NUTM2F: variants seen among roughly 807,000 people sequenced by gnomAD.
NUTM2F encodes NUT family member 2F.
Under a neutral mutation model 43.3 loss-of-function variants are expected in NUTM2F, and 22 were observed. The ratio of observed to expected loss-of-function variants is 0.51; its 90% confidence interval spans 0.36 to 0.73. NUTM2F has a LOEUF of 0.73. Ranked by LOEUF, NUTM2F falls within the 30% of genes least tolerant of loss-of-function variation. The probability of loss-of-function intolerance (pLI) is 0.00; values close to 1 mark genes in which losing one functional copy is unlikely to be tolerated. For synonymous variants in NUTM2F, 202 were observed against 389.0 expected (o/e 0.52, Z 5.66); for missense variants, 488 against 927.4 (o/e 0.53, Z 6.15).
intron 2 of NUTM2F, among the ~76,000 whole-genome samples, chr9:94,322,892 A>G (rs981453232): frequency 2.0e-5 from 3 of 152,076 alleles, no homozygotes; most frequent in African/African-American, 7.2e-5. Context: ...CACCCAGTCT[A>G]TGGGATTCGT....
intron 1 of NUTM2F, among the ~76,000 whole-genome samples, chr9:94,328,077 C>T (rs1216239973): frequency 6.6e-6 from 1 of 152,030 alleles, no homozygotes; most frequent in African/African-American, 2.4e-5. Context: ...CAGTGGCCCC[C>T]AGCCTTGCCC....
rs139713883 is a variant in NUTM2F at position 94,324,535 on chromosome 9, C to T, written c.713+703G>A. On this transcript the variant is annotated intron_variant, in intron 2 of 6. Coordinates refer to ENST00000253262, the MANE Select transcript of NUTM2F (RefSeq NM_017561.2). ...AAAATTAGCCGGGCATGGTGGTGGGCACCTGTAGTCCCAGCTACTCGGGAG... is the reference window on the plus strand; with the variant it reads ...AAAATTAGCCGGGCATGGTGGTGGGTACCTGTAGTCCCAGCTACTCGGGAG... 1.5e-3 allele frequency among the ~76,000 whole-genome samples: 227 copies of T among 151,104 alleles called. 1 individual carries two copies. The highest frequency in any genetic ancestry group is 5.2e-3 in the African/African-American group (215 of 41,118).
At chr9:94,324,193 C>T (rs1490598993) in intron 2 of NUTM2F, among the ~76,000 whole-genome samples, 7 of 151,622 alleles carry the variant, frequency 4.6e-5, no homozygotes, top group African/African-American at 1.7e-4. Flanking sequence ...TCGCTTGAAC[C>T]TAGGAGGCAG....
At position 94,325,734 on chromosome 9, in the gene NUTM2F, G is replaced by A; in HGVS notation, c.217C>T (p.Pro73Ser). Residue 73 changes from proline (P) to serine (S), a missense_variant, in exon 2 of 7, where the codon CCG (proline) becomes TCG (serine). Physicochemically the swap from Pro to Ser is moderately conservative, Grantham distance 74 (BLOSUM62 -1). Coordinates refer to ENST00000253262, the MANE Select transcript of NUTM2F (RefSeq NM_017561.2). ...PLVAGQDGRGPSGAGASNVFV... is the reference protein window; with the variant it reads ...PLVAGQDGRGSSGAGASNVFV... ...ACGTTGGAAGCCCCGGCCCCACTCG[G>A]GCCGCGGCCATCCTGTCCTGCCACT... is the stretch of plus-strand genomic sequence containing the variant. 1 of 1,611,824 alleles carries A rather than the reference G, an allele frequency of 6.2e-7. No individual in the cohort carries two copies.
At chr9:94,327,092 A>ATTTTCTTTT in intron 1 of NUTM2F, among the ~76,000 whole-genome samples, 1 of 134,858 alleles carries the variant, frequency 7.4e-6, no homozygotes, top group Non-Finnish European at 1.6e-5. Context: ...GTGTCTAGGG[A>ATTTTCTTTT]TTTTCTTTTT....
intron 1 of NUTM2F, among the ~76,000 whole-genome samples, 198 bp downstream of exon 1, chr9:94,328,410 C>T (rs1212008443): frequency 2.0e-5 from 3 of 152,112 alleles, no homozygotes; most frequent in Non-Finnish European, 2.9e-5. Context: ...CATCTTGGTC[C>T]GCCTCTAAGG....
rs1189136034 is a variant in NUTM2F, at chr9:94,325,847, G to A, written c.104C>T (p.Pro35Leu). 6.2e-7 allele frequency: 1 copy of A among 1,611,954 alleles called. No homozygotes were observed. The highest frequency in any genetic ancestry group is 1.7e-5 in the Admixed American group (1 of 60,002). The change falls in exon 2 of 7, where the codon CCC becomes CTC. Residue 35 changes from proline (P) to leucine (L), a missense_variant. Coordinates refer to ENST00000253262, the MANE Select transcript of NUTM2F (RefSeq NM_017561.2). Reference protein sequence around the residue: ...FTALPFATPAPGPAHRPPLVT... With the variant: ...FTALPFATPALGPAHRPPLVT... ...GAGGGGCGGCCTGTGTGCTGGGCCG[G>A]GAGCGGGTGTGGCAAAGGGCAGAGC...
chr9:94,320,235 C>T lies in NUTM2F; in HGVS notation c.1341G>A (p.Leu447=), dbSNP rs552006214. The change falls in exon 5 of 7, where the codon CTG becomes CTA. Residue 447 remains leucine (L), a synonymous_variant. Coordinates refer to ENST00000253262, the MANE Select transcript of NUTM2F (RefSeq NM_017561.2). The surrounding 1 kb of genome is among the most constrained non-coding windows in gnomAD (Gnocchi z 4.5). The part of the protein sequence containing the change: ...DPGLLSYIDK[L]CSQEDFVTKV... Reference sequence around the variant, plus strand: ...TGGTGACAAAGTCTTCCTGGGAACACAGCTTGTCAATGTAGCTCAGGAGGC... The same window carrying T: ...TGGTGACAAAGTCTTCCTGGGAACATAGCTTGTCAATGTAGCTCAGGAGGC... The T allele has an allele frequency of 9.0e-5, 145 of 1,613,914 alleles. 1 individual carries two copies. The South Asian group carries it at 1.6e-3, about 17-fold the overall frequency.
At chr9:94,326,460 C>T (rs985777973) in intron 1 of NUTM2F, among the ~76,000 whole-genome samples, 4 of 152,076 alleles carry the variant, frequency 2.6e-5, no homozygotes, top group Non-Finnish European at 5.9e-5. Context: ...AAAAGAAAAC[C>T]ACTGGATAGG....
At chr9:94,326,577 C>G (rs1831454656) in intron 1 of NUTM2F, among the ~76,000 whole-genome samples, 1 of 151,880 alleles carries the variant, frequency 6.6e-6, no homozygotes. Context: ...GTGGTGAAAC[C>G]CCGTCTCTAC....
chr9:94,323,960 G>A (rs1379986363), intron 2 of NUTM2F, among the ~76,000 whole-genome samples: 1 of 152,126 alleles, frequency 6.6e-6, no homozygotes, highest in Admixed American at 6.5e-5. Context: ...GGAAGGCACT[G>A]GGGTGTACAC....
chr9:94,320,368 T>C lies in NUTM2F; in HGVS notation c.1208A>G (p.Glu403Gly). ...CCCAGGGTGAGACCCCAGCAGCTCC[T>C]CCATGATGTCCACATACTCCTGCAC... ...EVVQEYVDIM[E>G]ELLGSHPGDT... Residue 403 changes from glutamate (E) to glycine (G), a missense_variant, in exon 5 of 7, where the codon GAG becomes GGG. By Grantham distance (98) the Glu-to-Gly change is moderately conservative. Coordinates refer to ENST00000253262, the MANE Select transcript of NUTM2F (RefSeq NM_017561.2). The surrounding 1 kb of genome is among the most constrained non-coding windows in gnomAD (Gnocchi z 4.5). 1.2e-6 allele frequency: 2 copies of C among 1,613,416 alleles called. No homozygotes were observed. The highest frequency in any genetic ancestry group is 8.5e-7 in the Non-Finnish European group (1 of 1,179,834).
chr9:94,320,430 C>T lies in NUTM2F; in HGVS notation c.1146G>A (p.Ala382=), dbSNP rs397839742. The change falls in exon 5 of 7, where the codon GCG becomes GCA. Residue 382 remains alanine, a synonymous_variant. Coordinates refer to ENST00000253262, the MANE Select transcript of NUTM2F (RefSeq NM_017561.2). This position sits in a 1 kb window ranked among gnomAD's most constrained non-coding sequence, Gnocchi z 4.5. ...HLPPPRPQRP[A]ETKVPEEIPP... The stretch of plus-strand genomic sequence containing the variant: ...GGATCTCCTCAGGGACCTTGGTCTC[C>T]GCTGGCCTCTGGGGCCTGGGTGGTG... 20 of 1,603,824 alleles carry T rather than the reference C, an allele frequency of 1.2e-5. No individual in the cohort carries two copies. The highest frequency in any genetic ancestry group is 9.0e-5 in the East Asian group (4 of 44,426).
At chr9:94,321,360 C>T in intron 3 of NUTM2F, 128 bp from the exon 4 acceptor site, 2 of 1,456,394 alleles carry the variant, frequency 1.4e-6, no homozygotes, top group Non-Finnish European at 1.8e-6. Flanking sequence ...TCACTGGGAC[C>T]CATCCCCCAG....
In NUTM2F at chr9:94,322,191, C is replaced by G. The variant is rs760045748; in HGVS notation, c.842+10G>C. 1.3e-5 allele frequency: 21 copies of G among 1,611,876 alleles called. 1 individual carries two copies. Among genetic ancestry groups the G allele is most frequent in the Non-Finnish European group, 1.7e-5 (20 of 1,179,866 alleles). ...CCACACGGGCCCTGCCCCCAGGACC[C>G]CAGACTCACTTTTCCGCCATCTCGT... On this transcript the variant is annotated intron_variant, in intron 3 of 6. Transcript: ENST00000253262.
intron 1 of NUTM2F, among the ~76,000 whole-genome samples, chr9:94,326,722 T>A (rs1473553592): frequency 1.7e-5 from 2 of 115,170 alleles, no homozygotes; most frequent in South Asian, 3.1e-4. Context: ...CCAGCCCGGG[T>A]GACAGAGCGA....
intron 1 of NUTM2F, 110 bp downstream of exon 1, chr9:94,328,498 C>T (rs1831477403): frequency 2.6e-6 from 4 of 1,568,626 alleles, no homozygotes; most frequent in Non-Finnish European, 3.5e-6. Flanking sequence ...TCCAGTGCTC[C>T]CTCCCTCAAC....
intron 2 of NUTM2F, among the ~76,000 whole-genome samples, chr9:94,323,104 G>A (rs892932231): frequency 3.3e-5 from 5 of 152,142 alleles, no homozygotes; most frequent in African/African-American, 9.7e-5. Flanking sequence ...AAAGCAGAGC[G>A]GTGTCCAAGC....
In NUTM2F at chr9:94,321,086, G is replaced by A. The variant is rs778659436; in HGVS notation, c.982+7C>T. The A allele has an allele frequency of 1.1e-5, 17 of 1,542,830 alleles. No individual in the cohort carries two copies. The highest frequency in any genetic ancestry group is 1.9e-5 in the Admixed American group (1 of 52,158). On this transcript the variant is annotated splice_region_variant and intron_variant, in intron 4 of 6. Transcript: ENST00000253262. Reference sequence around the variant, plus strand: ...CATGGCTCCTGTGGGAATGTGGGAAGCTGTACCTGGCTGCTTGACCACCTC... The same window carrying A: ...CATGGCTCCTGTGGGAATGTGGGAAACTGTACCTGGCTGCTTGACCACCTC...
Sources: allele counts gnomAD v4.1 joint callset (sites outside exome capture counted in the v4.1 genomes callset), GRCh38; gene constraint gnomAD v4.1.1; non-coding constraint Gnocchi (gnomAD v3.1); transcripts MANE v1.5; gene names NCBI Gene and HGNC (gene_info 2026-07-23, HGNC 2026-07-21).